Variants in PCDH15 observed in about 807,000 individuals in gnomAD.
PCDH15 encodes protocadherin related 15, also known as protocadherin-15.
In PCDH15, 129 loss-of-function variants were observed where a neutral mutation model predicts 178.5. The ratio of observed to expected loss-of-function variants is 0.72; its 90% CI spans 0.63 to 0.84. PCDH15 has a LOEUF of 0.84. Among genes scored for constraint, PCDH15 ranks in the 40% least tolerant of loss-of-function variants. PCDH15 has a pLI of 0.00. For missense variants in PCDH15, 2,230 were observed against 2,099.9 expected (o/e 1.06, Z -1.21); for synonymous variants, 800 against 732.0 (o/e 1.09, Z -1.50).
At chr10:54,668,953 C>A (rs2094613886) in intron 1 of PCDH15, among the ~76,000 whole-genome samples, 1 of 152,094 alleles carries the variant, frequency 6.6e-6, no homozygotes, top group South Asian at 2.1e-4. Context: ...CTAGATAAAG[C>A]TACAAAACTA....
At chr10:54,612,028 C>T (rs913181391) in intron 2 of PCDH15, among the ~76,000 whole-genome samples, 10 of 151,780 alleles carry the variant, frequency 6.6e-5, no homozygotes, top group South Asian at 2.1e-4. Context: ...TGTTAAATTT[C>T]GTTTCTTAAG....
In PCDH15 at chr10:53,814,524, A is replaced by C. The variant is rs551525704; in HGVS notation, c.4491+1715T>G. ...ATAGGAACCCAGGAAACTCAGCAAG[A>C]TAGCCCTTGATTCAATCAGTCACTC... is the stretch of plus-strand genomic sequence containing the variant. On this transcript the variant is annotated intron_variant, in intron 35 of 37. Transcript: ENST00000644397. 7.2e-5 allele frequency among the ~76,000 whole-genome samples: 11 copies of C among 152,294 alleles called. No individual in the cohort carries two copies. In the South Asian group the frequency reaches 1.5e-3, roughly 20 times the overall value.
chr10:54,665,352 C>T (rs2094554943), intron 1 of PCDH15, among the ~76,000 whole-genome samples: 1 of 151,956 alleles, frequency 6.6e-6, no homozygotes, highest in Non-Finnish European at 1.5e-5. Context: ...CAAGTGTTTA[C>T]ATGATTGTGC....
chr10:54,949,529 C>A (rs564553770), intron 2 of PCDH15, among the ~76,000 whole-genome samples: 1 of 152,088 alleles, frequency 6.6e-6, no homozygotes, highest in South Asian at 2.1e-4. Flanking sequence ...TAACATTTGG[C>A]TTCTCATTAC....
At chr10:55,040,623 C>T (rs747751136) in intron 2 of PCDH15, among the ~76,000 whole-genome samples, 10 of 152,182 alleles carry the variant, frequency 6.6e-5, no homozygotes, top group Admixed American at 1.3e-4. Context: ...TGTACATATT[C>T]GAAAACTGTG....
At chr10:55,064,318 A>C (rs1841509330) in intron 2 of PCDH15, among the ~76,000 whole-genome samples, 1 of 152,122 alleles carries the variant, frequency 6.6e-6, no homozygotes. Flanking sequence ...ATTGATTGAC[A>C]CTTTCAACAG....
chr10:54,982,849 T>C (rs1839273089), intron 2 of PCDH15, among the ~76,000 whole-genome samples: 1 of 152,160 alleles, frequency 6.6e-6, no homozygotes, highest in South Asian at 2.1e-4. Flanking sequence ...ATATTAATAA[T>C]TATGTACTAC....
intron 2 of PCDH15, among the ~76,000 whole-genome samples, chr10:54,641,556 C>G (rs1014680329): frequency 6.6e-6 from 1 of 151,088 alleles, no homozygotes; most frequent in African/African-American, 2.5e-5. Flanking sequence ...TGCAATAAAT[C>G]ATACACAGGT....
intron 2 of PCDH15, among the ~76,000 whole-genome samples, chr10:54,567,752 G>A (rs2089252484): frequency 6.6e-6 from 1 of 151,992 alleles, no homozygotes; most frequent in South Asian, 2.1e-4. Context: ...ATTTTGAGAG[G>A]GAGTGATAAT....
At chr10:54,881,483 G>T (rs147578939) in intron 3 of PCDH15, among the ~76,000 whole-genome samples, 1 of 151,924 alleles carries the variant, frequency 6.6e-6, no homozygotes, top group African/African-American at 2.4e-5. Context: ...CACATATTAG[G>T]GTGTAGAAAT....
intron 25 of PCDH15, among the ~76,000 whole-genome samples, chr10:53,916,291 A>G (rs1475137866): frequency 1.3e-5 from 2 of 152,200 alleles, no homozygotes; most frequent in Non-Finnish European, 2.9e-5. Flanking sequence ...ATCAGGAAAA[A>G]ACAGTAATAT....
In PCDH15 at chr10:54,058,693, TCTTTC is replaced by T. The variant is rs1450710211; in HGVS notation, c.2220+8059_2220+8063del. On this transcript the variant is annotated intron_variant, in intron 18 of 37. Transcript: ENST00000644397. ...ATTAGAACATATTTCTTTCTTTCTT[TCTTTC>T]TTTTTTTTTTTTTAGACCAAGTTTT... 8.8e-3 allele frequency among the ~76,000 whole-genome samples: 655 copies of T among 74,018 alleles called. 5 individuals are homozygous for T. The highest frequency in any genetic ancestry group is 0.036 in the African/African-American group (621 of 17,178). 48.6% of individuals were successfully genotyped at this position (74,018 alleles called of 152,430 possible). A position where few individuals can be genotyped will look rare whatever the true frequency, so the allele number is the denominator to read the frequency against.
intron 2 of PCDH15, among the ~76,000 whole-genome samples, chr10:55,033,360 C>T (rs1270897828): frequency 6.6e-6 from 1 of 152,184 alleles, no homozygotes; most frequent in East Asian, 1.9e-4. Context: ...CCAGCAAAGC[C>T]ATGCTAATAG....
intron 1 of PCDH15, among the ~76,000 whole-genome samples, chr10:55,216,199 T>A (rs1840697280): frequency 6.6e-6 from 1 of 151,892 alleles, no homozygotes; most frequent in Admixed American, 6.6e-5. Context: ...TCTAGTTTAA[T>A]TTTGTCCTTA....
At chr10:55,364,491 TACA>T (rs1291706275) in intron 2 of PCDH15, among the ~76,000 whole-genome samples, 1 of 152,182 alleles carries the variant, frequency 6.6e-6, no homozygotes, top group East Asian at 1.9e-4. Flanking sequence ...TCTGGATGTT[TACA>T]ACATTTATTT....
At chr10:54,855,263 G>A (rs538654393) in intron 3 of PCDH15, among the ~76,000 whole-genome samples, 4 of 152,294 alleles carry the variant, frequency 2.6e-5, no homozygotes, top group Middle Eastern at 6.8e-3. Context: ...AGGAGACCCA[G>A]GTCTGCAGCT....
intron 1 of PCDH15, among the ~76,000 whole-genome samples, chr10:55,280,415 A>AT (rs1391013113): frequency 7.1e-6 from 1 of 141,024 alleles, no homozygotes; most frequent in Non-Finnish European, 1.5e-5. Flanking sequence ...AGTAGCTGGG[A>AT]TTATAGGTAT....
At chr10:54,898,976 GA>G (rs1479696605) in intron 2 of PCDH15, among the ~76,000 whole-genome samples, 4 of 152,172 alleles carry the variant, frequency 2.6e-5, no homozygotes, top group African/African-American at 9.6e-5. Flanking sequence ...AGATCATGGA[GA>G]CTGAACTCCA....
At chr10:54,391,537 G>A (rs1950546398) in intron 3 of PCDH15, among the ~76,000 whole-genome samples, 1 of 151,588 alleles carries the variant, frequency 6.6e-6, no homozygotes, top group Admixed American at 6.6e-5. Context: ...ACTATAAGAG[G>A]TAATGTCATA....
Sources: allele counts gnomAD v4.1 joint callset (sites outside exome capture counted in the v4.1 genomes callset), GRCh38; gene constraint gnomAD v4.1.1; transcripts MANE v1.5; gene names NCBI Gene and HGNC (gene_info 2026-07-23, HGNC 2026-07-21).